CERS3: variants seen among roughly 807,000 people sequenced by gnomAD.
CERS3 encodes ceramide synthase 3, also known as LAG1 homolog, ceramide synthase 3.
A neutral mutation model predicts 50.3 loss-of-function variants in CERS3; 33 were observed. The observed-to-expected ratio is 0.66, with a 90% CI of 0.50 to 0.88. The LOEUF is 0.88. Among genes scored for constraint, CERS3 ranks in the 40% least tolerant of loss-of-function variants. CERS3 has a pLI of 0.00. For missense variants in CERS3, 470 were observed against 460.3 expected, an observed-to-expected ratio of 1.02 and a Z score of -0.19; for synonymous variants, 176 against 155.2, an observed-to-expected ratio of 1.13 and a Z score of -0.99.
At chr15:100,421,580 C>G (rs2032429761) in intron 11 of CERS3, among the ~76,000 whole-genome samples, 1 of 149,162 alleles carries the variant, frequency 6.7e-6, no homozygotes, top group Admixed American at 6.7e-5. Flanking sequence ...TTGGAAAAAA[C>G]TACTTTAAAG....
chr15:100,493,630 ATTCTC>A (rs1339170207), intron 3 of CERS3, among the ~76,000 whole-genome samples: 1 of 151,966 alleles, frequency 6.6e-6, no homozygotes, highest in Non-Finnish European at 1.5e-5. Context: ...GGTCCTATTT[ATTCTC>A]TTCTCTCCTT....
rs113666222 is a variant in CERS3, at chr15:100,476,530, C to G, written c.517-352G>C. 7.9e-3 allele frequency among the ~76,000 whole-genome samples: 1,208 copies of G among 152,154 alleles called. 20 individuals are homozygous for G. The highest frequency in any genetic ancestry group is 0.027 in the African/African-American group (1,126 of 41,528). ...ACAATGGGAAGTCTTTTCTGCTGGTCCTACAATTTACTTTGATTAATGTTT... is the reference window on the plus strand; with the variant it reads ...ACAATGGGAAGTCTTTTCTGCTGGTGCTACAATTTACTTTGATTAATGTTT... On this transcript the variant is annotated intron_variant, in intron 7 of 11. Coordinates refer to ENST00000679737, the MANE Select transcript of CERS3 (RefSeq NM_001378789.1).
chr15:100,531,424 G>A (rs2036936519), upstream of CERS3, among the ~76,000 whole-genome samples: 1 of 152,112 alleles, frequency 6.6e-6, no homozygotes, highest in African/African-American at 2.4e-5. Context: ...AGCTGTGGGA[G>A]TGAGGAACTC....
intron 11 of CERS3, among the ~76,000 whole-genome samples, chr15:100,424,439 T>C (rs1430636396): frequency 1.3e-5 from 2 of 152,206 alleles, no homozygotes; most frequent in Admixed American, 6.5e-5. Context: ...ACTTGTTGAA[T>C]GGTTGTGACC....
intron 11 of CERS3, among the ~76,000 whole-genome samples, chr15:100,407,827 T>C (rs138177080): frequency 2.8e-4 from 42 of 152,326 alleles, no homozygotes; most frequent in Admixed American, 2.5e-3. Context: ...GTGTGTAGGT[T>C]ACATGCAAAT....
chr15:100,411,441 C>T (rs984241496), intron 11 of CERS3, among the ~76,000 whole-genome samples: 2 of 152,114 alleles, frequency 1.3e-5, no homozygotes, highest in African/African-American at 2.4e-5. Context: ...GGATTACAGA[C>T]GTGAGCCACC....
intron 9 of CERS3, among the ~76,000 whole-genome samples, chr15:100,472,387 G>C (rs777814894): frequency 8.6e-5 from 13 of 150,920 alleles, no homozygotes; most frequent in Non-Finnish European, 1.5e-4. Context: ...GAAGACTCTT[G>C]TTTTAATGTT....
rs2035118472 is a variant in CERS3, at chr15:100,476,092, C to G, written c.603G>C (p.Lys201Asn). ...SLLFRLGFDV[K>N]RKDFLAHIIH... ...TTGTAAATAAGACACTTACCTTTCT[C>G]TTGACATCAAAGCCAAGTCTAAATA... Residue 201 changes from lysine to asparagine, a missense_variant, in exon 8 of 12, where the codon AAG (lysine) becomes AAC (asparagine). By Grantham distance (94) the Lys-to-Asn change is moderately conservative. Transcript: ENST00000679737. 2 of 1,562,348 alleles carry G rather than the reference C, an allele frequency of 1.3e-6. No homozygotes were observed. The highest frequency in any genetic ancestry group is 1.7e-6 in the Non-Finnish European group (2 of 1,159,860).
upstream of CERS3, among the ~76,000 whole-genome samples, chr15:100,531,837 A>T (rs1393169952): frequency 6.6e-6 from 1 of 152,252 alleles, no homozygotes; most frequent in East Asian, 1.9e-4. Flanking sequence ...ACTTATTAGC[A>T]TGTTAATGAT....
intron 3 of CERS3, among the ~76,000 whole-genome samples, chr15:100,497,844 C>A (rs1406768578): frequency 4.8e-5 from 6 of 125,716 alleles, no homozygotes; most frequent in Non-Finnish European, 6.5e-5. Context: ...TACTGGATAC[C>A]TATCTCTTAC....
upstream of CERS3, among the ~76,000 whole-genome samples, chr15:100,532,693 A>AGGTTGCAGTGAGCTGTAATC (rs2036967429): frequency 6.6e-6 from 1 of 152,160 alleles, no homozygotes; most frequent in African/African-American, 2.4e-5. Flanking sequence ...TGGGAAGTCA[A>AGGTTGCAGTGAGCTGTAATC]GGTTGCAGTG....
intron 10 of CERS3, among the ~76,000 whole-genome samples, chr15:100,467,076 G>A (rs1209953996): frequency 5.3e-5 from 8 of 151,724 alleles, no homozygotes; most frequent in African/African-American, 1.5e-4. Flanking sequence ...GGTTGGTCTC[G>A]AACTCCTGAC....
chr15:100,429,447 T>C (rs1223783574), intron 11 of CERS3, among the ~76,000 whole-genome samples: 1 of 152,088 alleles, frequency 6.6e-6, no homozygotes, highest in Non-Finnish European at 1.5e-5. Flanking sequence ...CAGTTTCTAT[T>C]TGATGGTGAT....
intron 3 of CERS3, among the ~76,000 whole-genome samples, chr15:100,498,643 G>C (rs949507482): frequency 2.6e-5 from 4 of 152,062 alleles, no homozygotes; most frequent in East Asian, 1.9e-4. Context: ...CACCCAGACG[G>C]CCCCCCCTTT....
chr15:100,402,594 G>T lies in CERS3; in HGVS notation c.*119C>A. 1.1e-6 allele frequency: 1 copy of T among 935,980 alleles called. No individual in the cohort carries two copies. Among genetic ancestry groups the T allele is most frequent in the Non-Finnish European group, 1.6e-6 (1 of 627,472 alleles). 58.0% of individuals were successfully genotyped at this position (935,980 alleles called of 1,614,324 possible). A position where few individuals can be genotyped will look rare whatever the true frequency, so the allele number is the denominator to read the frequency against. ...TTTGGTAAACACATCTTAGGTGGGA[G>T]GGAAGGCGGTGGTGAGAAAGAGGGA... is the stretch of plus-strand genomic sequence containing the variant. On this transcript the variant is annotated 3_prime_UTR_variant, in exon 12 of 12. Transcript: ENST00000679737.
intron 11 of CERS3, among the ~76,000 whole-genome samples, chr15:100,417,268 G>A (rs1376388018): frequency 6.6e-6 from 1 of 151,872 alleles, no homozygotes; most frequent in Non-Finnish European, 1.5e-5. Context: ...TGCCTCACTT[G>A]GGAAGAGCAA....
chr15:100,487,249 G>A (rs555208530), intron 4 of CERS3, among the ~76,000 whole-genome samples: 4 of 152,260 alleles, frequency 2.6e-5, no homozygotes, highest in South Asian at 4.1e-4. Context: ...GCTTAAACAC[G>A]CTCCTTTGGA....
chr15:100,497,508 G>C (rs537061272), intron 3 of CERS3, among the ~76,000 whole-genome samples: 1 of 152,122 alleles, frequency 6.6e-6, no homozygotes, highest in Non-Finnish European at 1.5e-5. Flanking sequence ...TCATAGGGTA[G>C]TGTTTTCAAT....
intron 8 of CERS3, among the ~76,000 whole-genome samples, chr15:100,473,551 G>A (rs1296548974): frequency 2.0e-5 from 3 of 152,200 alleles, no homozygotes; most frequent in Non-Finnish European, 4.4e-5. Flanking sequence ...ATGAAAGCAT[G>A]CTCAATCATT....
Sources: allele counts gnomAD v4.1 joint callset (sites outside exome capture counted in the v4.1 genomes callset), GRCh38; gene constraint gnomAD v4.1.1; transcripts MANE v1.5; gene names NCBI Gene and HGNC (gene_info 2026-07-23, HGNC 2026-07-21).